The following KCNG3 variants were observed in gnomAD, a reference collection of about 807,000 sequenced individuals.
KCNG3 encodes voltage-gated potassium channel regulatory subunit KCNG3.
In KCNG3, 15 loss-of-function variants were observed where a neutral mutation model predicts 29.0. The observed-to-expected ratio is 0.52, with a 90% CI of 0.35 to 0.80. The LOEUF (loss-of-function observed/expected upper bound fraction) is 0.80, where lower values mean the gene tolerates loss of function less well. KCNG3 is among the 30% of genes least tolerant of loss of function. The probability of loss-of-function intolerance (pLI) is 0.01; values close to 1 mark genes in which losing one functional copy is unlikely to be tolerated. For missense variants in KCNG3, 512 were observed against 605.7 expected (o/e 0.85, Z 1.62); for synonymous variants, 322 against 248.9 (o/e 1.29, Z -2.76).
At chr2:42,425,398 C>CA in the KCNG3 span, among the ~76,000 whole-genome samples, 30,776 of 82,038 alleles carry the variant, frequency 0.38, 5,039 homozygotes, top group East Asian at 0.6. Context: ...GACTCCGTCT[C>CA]AAAAAAAAAA....
chr2:42,426,551 G>T, the KCNG3 span, among the ~76,000 whole-genome samples: 1 of 152,146 alleles, frequency 6.6e-6, no homozygotes, highest in African/African-American at 2.4e-5. Flanking sequence ...TCTCATTGAG[G>T]ATAGGGTCAA....
chr2:42,464,890 T>C (rs891800025), intron 1 of KCNG3, among the ~76,000 whole-genome samples: 1 of 152,132 alleles, frequency 6.6e-6, no homozygotes, highest in Admixed American at 6.6e-5. Context: ...AGGAAGCAAG[T>C]AGGGCTGTGT....
At chr2:42,462,302 C>T (rs1162659862) in intron 1 of KCNG3, among the ~76,000 whole-genome samples, 2 of 152,144 alleles carry the variant, frequency 1.3e-5, no homozygotes, top group Non-Finnish European at 2.9e-5. Flanking sequence ...CCCTCTCCAC[C>T]CCAAAATGGT....
At chr2:42,419,213 G>C in the KCNG3 span, among the ~76,000 whole-genome samples, 1 of 95,338 alleles carries the variant, frequency 1.0e-5, no homozygotes, top group African/African-American at 3.9e-5. Flanking sequence ...AGCTCAGATG[G>C]TATCTCTTTT....
chr2:42,488,877 G>T (rs1308295758), intron 1 of KCNG3, among the ~76,000 whole-genome samples: 2 of 151,212 alleles, frequency 1.3e-5, no homozygotes, highest in Non-Finnish European at 2.9e-5. Flanking sequence ...TTATACAATA[G>T]AAGATATAGT....
At chr2:42,389,144 C>T in the KCNG3 span, among the ~76,000 whole-genome samples, 1 of 152,180 alleles carries the variant, frequency 6.6e-6, no homozygotes. Context: ...TCTCAAACCC[C>T]TGACCTCAAG....
rs1255125904 is a variant in KCNG3, at chr2:42,443,888, T to G, written c.*46A>C. 2.6e-6 allele frequency: 4 copies of G among 1,526,566 alleles called. No homozygotes were observed. In the African/African-American group the frequency reaches 4.1e-5, roughly 16 times the overall value. The allele number at this position is 1,526,566 out of a possible 1,614,324, so 94.6% of individuals were successfully genotyped here. On this transcript the variant is annotated 3_prime_UTR_variant, in exon 2 of 2. Transcript: ENST00000306078. The stretch of plus-strand genomic sequence containing the variant: ...AGAAACACATAAATATGAAGCAGCA[T>G]CAAAGTCTTTCTATGAAGTGTATGC...
the KCNG3 span, among the ~76,000 whole-genome samples, chr2:42,406,409 A>T: frequency 6.7e-6 from 1 of 149,220 alleles, no homozygotes; most frequent in Non-Finnish European, 1.5e-5. Context: ...AGTAGAGATG[A>T]GGTTTTTCCA....
In KCNG3 at chr2:42,444,368, T is replaced by C; in HGVS notation, c.877A>G (p.Met293Val). ...TTAATCACCCAAAAAATCCTCATCA[T>C]TCTAAGTACCCTCAAGGTGACTCCA... ...RAGVTLRVLR[M>V]MRIFWVIKLA... The change falls in exon 2 of 2, where the codon ATG (methionine) becomes GTG (valine). Residue 293 changes from methionine to valine, a missense_variant. Coordinates refer to ENST00000306078, the MANE Select transcript of KCNG3 (RefSeq NM_133329.6). This position sits in a 1 kb window ranked among gnomAD's most constrained non-coding sequence, Gnocchi z 5.8. 2 of 1,614,164 alleles carry C rather than the reference T, an allele frequency of 1.2e-6. No individual in the cohort carries two copies. Among genetic ancestry groups the C allele is most frequent in the Non-Finnish European group, 1.7e-6 (2 of 1,180,024 alleles).
chr2:42,403,370 T>C, the KCNG3 span, among the ~76,000 whole-genome samples: 1 of 152,134 alleles, frequency 6.6e-6, no homozygotes, highest in Non-Finnish European at 1.5e-5. Flanking sequence ...CTCGAACTCC[T>C]GGACTCAAGG....
intron 1 of KCNG3, among the ~76,000 whole-genome samples, chr2:42,456,466 A>G (rs927691567): frequency 1.3e-5 from 2 of 152,172 alleles, no homozygotes; most frequent in African/African-American, 4.8e-5. Flanking sequence ...GCAGTGGGCC[A>G]TGATCGCACC....
At chr2:42,438,796 T>C (rs1355965157), downstream of KCNG3, among the ~76,000 whole-genome samples, 1 of 151,886 alleles carries the variant, frequency 6.6e-6, no homozygotes, top group Non-Finnish European at 1.5e-5. Flanking sequence ...CACAAATCTA[T>C]GGAAGGCTTC....
intron 1 of KCNG3, among the ~76,000 whole-genome samples, chr2:42,483,243 T>C (rs767797142): frequency 6.6e-6 from 1 of 152,256 alleles, no homozygotes; most frequent in African/African-American, 2.4e-5. Flanking sequence ...ACTAACTGCA[T>C]ATGATGATGG....
Position 42,493,048 on chromosome 2 carries a change from G to C in KCNG3, c.454C>G (p.Arg152Gly). The change falls in exon 1 of 2, where the codon CGC (arginine) becomes GGC (glycine). Residue 152 changes from arginine (R) to glycine (G), a missense_variant. Physicochemically the swap from Arg to Gly is moderately radical, Grantham distance 125 (BLOSUM62 -2). This residue lies in a region of KCNG3 where 228 missense variants were observed against 200.0 expected (regional missense o/e 1.14). Coordinates refer to ENST00000306078, the MANE Select transcript of KCNG3 (RefSeq NM_133329.6). Reference sequence around the variant, plus strand: ...GTCCGCCGCATGCGCTCCAGCCAGCGCCTGGAGGGAGCCGCCTCGGCCCCG... The same window carrying C: ...GTCCGCCGCATGCGCTCCAGCCAGCCCCTGGAGGGAGCCGCCTCGGCCCCG... ...PGGAEAAPSR[R>G]WLERMRRTFE... is the part of the protein sequence containing the mutation. 6.6e-7 allele frequency: 1 copy of C among 1,523,008 alleles called. No homozygotes were observed. Among genetic ancestry groups the C allele is most frequent in the Non-Finnish European group, 8.8e-7 (1 of 1,140,068 alleles). 94.3% of individuals were successfully genotyped at this position (1,523,008 alleles called of 1,614,324 possible).
chr2:42,405,650 C>T, the KCNG3 span, among the ~76,000 whole-genome samples: 1 of 151,994 alleles, frequency 6.6e-6, no homozygotes, highest in Non-Finnish European at 1.5e-5. Context: ...CTCTGTCGCC[C>T]AGGCTGGAGT....
intron 1 of KCNG3, among the ~76,000 whole-genome samples, chr2:42,488,585 T>G (rs1673786651): frequency 6.6e-6 from 1 of 151,842 alleles, no homozygotes; most frequent in Admixed American, 6.6e-5. Context: ...AGTCTCACTT[T>G]ATCGCCCAGG....
At chr2:42,454,336 T>C (rs1302124796) in intron 1 of KCNG3, among the ~76,000 whole-genome samples, 1 of 152,158 alleles carries the variant, frequency 6.6e-6, no homozygotes, top group African/African-American at 2.4e-5. Flanking sequence ...TTACTGACAA[T>C]AGTTAAGATG....
At chr2:42,390,059 GCTCT>G in the KCNG3 span, among the ~76,000 whole-genome samples, 3 of 152,146 alleles carry the variant, frequency 2.0e-5, no homozygotes, top group East Asian at 1.9e-4. Context: ...CAAGGGGAAG[GCTCT>G]CTATGTGGGA....
chr2:42,465,025 G>C (rs963891506), intron 1 of KCNG3, among the ~76,000 whole-genome samples: 1 of 152,124 alleles, frequency 6.6e-6, no homozygotes, highest in African/African-American at 2.4e-5. Context: ...GAGTTCAACT[G>C]TTTTATCAGT....
Sources: gnomAD v4.1 joint callset for allele counts (sites outside exome capture counted in the v4.1 genomes callset) on GRCh38, gnomAD v4.1.1 for gene constraint, gnomAD v4.1.1 regional missense constraint, Gnocchi (gnomAD v3.1) non-coding constraint, MANE v1.5 for transcripts, NCBI Gene and HGNC (gene_info 2026-07-23, HGNC 2026-07-21) for gene names.